CASK: variants seen among roughly 807,000 people sequenced by gnomAD.
CASK encodes the protein calcium/calmodulin dependent serine protein kinase.
CASK carries 4 observed loss-of-function variants against 82.9 expected under a neutral mutation model. That is an observed-to-expected ratio of 0.05 (90% CI 0.02 to 0.11). The LOEUF is 0.11. CASK is among the 10% of genes least tolerant of loss of function. The pLI is 1.00. For missense variants in CASK, 358 were observed against 720.9 expected (o/e 0.50, Z 5.76); for synonymous variants, 259 against 253.5 (o/e 1.02, Z -0.20).
intron 2 of CASK, among the ~76,000 whole-genome samples, chrX:41,848,869 C>T (rs529325905): frequency 2.7e-5 from 3 of 111,904 alleles, no homozygotes; most frequent in African/African-American, 9.7e-5. Flanking sequence ...TTATACAATG[C>T]TATGAAGTTC....
intron 12 of CASK, among the ~76,000 whole-genome samples, chrX:41,590,510 C>CAAAAAAAAA (rs763695085): frequency 2.2e-4 from 7 of 31,291 alleles, no homozygotes; most frequent in East Asian, 1.1e-3. Context: ...ATTCCGTCTC[C>CAAAAAAAAA]AAAAAAAAAA....
intron 2 of CASK, among the ~76,000 whole-genome samples, chrX:41,841,750 G>C (rs1437499112): frequency 9.0e-6 from 1 of 111,294 alleles, no homozygotes; most frequent in Admixed American, 9.5e-5. Context: ...TCTTGAACTC[G>C]ACCTCAAGTG....
chrX:41,799,455 G>A (rs1187205195), intron 2 of CASK, among the ~76,000 whole-genome samples: 5 of 110,498 alleles, frequency 4.5e-5, no homozygotes, highest in Admixed American at 3.9e-4. Flanking sequence ...CAGGGGACTC[G>A]CTTGAACCCG....
chrX:41,912,453 A>T (rs1257400238), intron 1 of CASK, among the ~76,000 whole-genome samples: 1 of 107,098 alleles, frequency 9.3e-6, no homozygotes, highest in Non-Finnish European at 1.9e-5. Context: ...GATTACAGGC[A>T]CGCACCACCA....
chrX:41,886,075 CA>C, intron 1 of CASK, among the ~76,000 whole-genome samples: 1 of 111,596 alleles, frequency 9.0e-6, no homozygotes, highest in South Asian at 3.7e-4. Flanking sequence ...GGTTGCCTAC[CA>C]ATCATTATAA....
At chrX:41,917,234 G>A (rs746939220) in intron 1 of CASK, among the ~76,000 whole-genome samples, 4 of 111,930 alleles carry the variant, frequency 3.6e-5, no homozygotes, top group African/African-American at 6.5e-5. Flanking sequence ...GATCTTAGGC[G>A]AATTACTGAT....
At chrX:41,758,462 A>G (rs1380960452) in intron 3 of CASK, among the ~76,000 whole-genome samples, 2 of 109,850 alleles carry the variant, frequency 1.8e-5, no homozygotes, top group Non-Finnish European at 3.8e-5. Context: ...AGGAAAAAAA[A>G]AGAAAGTCTT....
intron 2 of CASK, among the ~76,000 whole-genome samples, chrX:41,822,698 C>T (rs918237048): frequency 9.0e-6 from 1 of 110,590 alleles, no homozygotes; most frequent in Non-Finnish European, 1.9e-5. Flanking sequence ...AAATTAACTT[C>T]CTTTTCTTAC....
At chrX:41,916,195 T>A (rs1465235507) in intron 1 of CASK, among the ~76,000 whole-genome samples, 1 of 112,376 alleles carries the variant, frequency 8.9e-6, no homozygotes, top group Non-Finnish European at 1.9e-5. Context: ...AAAATAAAAT[T>A]TACTACGTGC....
chrX:41,762,910 T>G (rs1028037912), intron 3 of CASK, among the ~76,000 whole-genome samples: 4 of 111,022 alleles, frequency 3.6e-5, no homozygotes, highest in African/African-American at 1.3e-4. Context: ...CCATCTATAT[T>G]CTATTAAACT....
At chrX:41,582,977 T>C (rs1014745994) in intron 14 of CASK, among the ~76,000 whole-genome samples, 21 of 111,776 alleles carry the variant, frequency 1.9e-4, no homozygotes, top group African/African-American at 6.8e-4. Flanking sequence ...CCACCCCACC[T>C]CCACTAGAGT....
intron 16 of CASK, among the ~76,000 whole-genome samples, chrX:41,565,716 T>A (rs2065303723): frequency 9.0e-6 from 1 of 111,688 alleles, no homozygotes; most frequent in African/African-American, 3.3e-5. Flanking sequence ...AAAGAGGGAA[T>A]CCTTTCTAAC....
intron 1 of CASK, among the ~76,000 whole-genome samples, chrX:41,912,310 T>G (rs958400632): frequency 2.1e-5 from 2 of 95,701 alleles, no homozygotes; most frequent in South Asian, 5.3e-4. Context: ...GTTTTTTTTT[T>G]TTTTTTTTTT....
At position 41,676,509 on chromosome X, in the gene CASK, G is replaced by A. The variant is rs2067267313; in HGVS notation, c.430-4979C>T. ...TTTTTATCCATGACTGGATGTTCCC[G>A]CAGTGGGCTCCCCTCGCGCCGGCAC... On this transcript the variant is annotated intron_variant, in intron 5 of 26. Transcript: ENST00000378163. 3.4e-6 allele frequency: 4 copies of A among 1,183,977 alleles called. No homozygotes were observed. The South Asian group carries it at 5.5e-5, about 16-fold the overall frequency.
At chrX:41,676,497 C>T in intron 5 of CASK, 1 of 1,191,914 alleles carries the variant, frequency 8.4e-7, no homozygotes, top group African/African-American at 1.7e-5. Context: ...TTATCCATGA[C>T]TGGATGTTCC....
At chrX:41,893,066 C>T (rs1443482645) in intron 1 of CASK, among the ~76,000 whole-genome samples, 4 of 112,134 alleles carry the variant, frequency 3.6e-5, no homozygotes, top group African/African-American at 1.3e-4. Context: ...AATATTTATA[C>T]TAAATGAAAA....
chrX:41,664,294 T>C (rs986760895), intron 7 of CASK, among the ~76,000 whole-genome samples: 1 of 112,094 alleles, frequency 8.9e-6, no homozygotes. Context: ...TTTTCTTCTT[T>C]TTAAATTTTA....
intron 8 of CASK, among the ~76,000 whole-genome samples, chrX:41,653,624 C>T (rs185364600): frequency 2.9e-4 from 33 of 111,896 alleles, no homozygotes; most frequent in African/African-American, 1.0e-3. Flanking sequence ...ACCTCTACGA[C>T]CTGTGGTTAC....
chrX:41,657,199 A>C (rs1485408518), intron 8 of CASK, among the ~76,000 whole-genome samples: 2 of 112,726 alleles, frequency 1.8e-5, no homozygotes, highest in East Asian at 5.6e-4. Flanking sequence ...AAAAATTAAC[A>C]GCTGAGAGTA....
Sources: allele counts gnomAD v4.1 joint callset (sites outside exome capture counted in the v4.1 genomes callset), GRCh38; gene constraint gnomAD v4.1.1; transcripts MANE v1.5; gene names NCBI Gene and HGNC (gene_info 2026-07-23, HGNC 2026-07-21).